The following CELF2 variants were observed in gnomAD, a reference collection of about 807,000 sequenced individuals.
CELF2 encodes CUGBP Elav-like family member 2, also known as CUG triplet repeat RNA-binding protein 2.
CELF2 carries 8 observed loss-of-function variants against 62.6 expected under a neutral mutation model. The ratio of observed to expected loss-of-function variants is 0.13; its 90% confidence interval spans 0.07 to 0.23. CELF2 has a LOEUF of 0.23. CELF2 is among the 10% of genes least tolerant of loss of function. The pLI is 1.00. For missense variants in CELF2, 333 were observed against 671.0 expected, an observed-to-expected ratio of 0.50 and a Z score of 5.56; for synonymous variants, 258 against 250.0, an observed-to-expected ratio of 1.03 and a Z score of -0.30.
At chr10:10,705,668 C>T in the CELF2 span, among the ~76,000 whole-genome samples, 3,532 of 152,220 alleles carry the variant, frequency 0.023, 60 homozygotes, top group South Asian at 0.065. Context: ...TCTTGGATGT[C>T]CCCTGTCACT....
At chr10:11,111,028 G>A (rs992738287) in intron 1 of CELF2, among the ~76,000 whole-genome samples, 1 of 152,198 alleles carries the variant, frequency 6.6e-6, no homozygotes, top group Non-Finnish European at 1.5e-5. Flanking sequence ...GTACCATTCG[G>A]TTAGGATGTA....
chr10:10,998,767 A>C (rs1211126884), intron 2 of CELF2, among the ~76,000 whole-genome samples: 6 of 152,134 alleles, frequency 3.9e-5, no homozygotes. Context: ...TGAAGCAAAA[A>C]TTACACTGGC....
the CELF2 span, among the ~76,000 whole-genome samples, chr10:10,622,966 C>T: frequency 1.3e-5 from 2 of 151,166 alleles, no homozygotes; most frequent in Non-Finnish European, 2.9e-5. Flanking sequence ...GCCTGTAGTC[C>T]CAGCAGCTAC....
At chr10:10,952,693 G>A (rs893083018) in intron 2 of CELF2, among the ~76,000 whole-genome samples, 3 of 151,798 alleles carry the variant, frequency 2.0e-5, no homozygotes, top group Admixed American at 2.0e-4. Context: ...AAAAAAAGAG[G>A]TGGGGGATTG....
At chr10:11,059,306 G>A (rs1023889997) in intron 1 of CELF2, among the ~76,000 whole-genome samples, 10 of 152,150 alleles carry the variant, frequency 6.6e-5, no homozygotes, top group African/African-American at 2.2e-4. Flanking sequence ...CTGTTTTAGG[G>A]TGGAAAACCT....
chr10:10,511,167 T>C, the CELF2 span, among the ~76,000 whole-genome samples: 1 of 152,174 alleles, frequency 6.6e-6, no homozygotes, highest in African/African-American at 2.4e-5. Context: ...CTCAGCACTT[T>C]GGGAGGCCAA....
At chr10:10,510,993 G>A in the CELF2 span, among the ~76,000 whole-genome samples, 5 of 152,248 alleles carry the variant, frequency 3.3e-5, no homozygotes, top group Non-Finnish European at 5.9e-5. Context: ...ACTCAGAGAG[G>A]TGGCATCAGC....
the CELF2 span, among the ~76,000 whole-genome samples, chr10:10,628,468 C>A: frequency 3.9e-5 from 6 of 152,006 alleles, no homozygotes; most frequent in Non-Finnish European, 8.8e-5. Flanking sequence ...AAGTGGGGAG[C>A]AGGATCTCCA....
the CELF2 span, among the ~76,000 whole-genome samples, chr10:10,716,660 G>C: frequency 6.6e-6 from 1 of 152,148 alleles, no homozygotes; most frequent in Non-Finnish European, 1.5e-5. Context: ...TCAGTTTATG[G>C]TCATGTTCTT....
the CELF2 span, among the ~76,000 whole-genome samples, chr10:10,499,069 C>CTTTT: frequency 7.2e-6 from 1 of 138,986 alleles, no homozygotes; most frequent in Non-Finnish European, 1.6e-5. Flanking sequence ...AAGCATTCTA[C>CTTTT]TTTTTTTTTT....
Position 11,220,933 on chromosome 10 carries a change from G to T in CELF2, c.354+3426G>T, listed in dbSNP as rs1293638084. On this transcript the variant is annotated intron_variant, in intron 3 of 12. Coordinates refer to ENST00000633077, the MANE Select transcript of CELF2 (RefSeq NM_001326342.2). The surrounding 1 kb of genome is among the most constrained non-coding windows in gnomAD (Gnocchi z 4.4). ...AAGTAGCAGGGATCGAGCCCAAGGG[G>T]GCCTCTAGCTAATCTAGCTGGAAGG... Among the ~76,000 whole-genome samples, 1 of 152,214 alleles carries T rather than the reference G, an allele frequency of 6.6e-6. No homozygotes were observed. The highest frequency in any genetic ancestry group is 1.5e-5 in the Non-Finnish European group (1 of 68,046).
chr10:11,164,637 A>G (rs1228401696), intron 1 of CELF2, among the ~76,000 whole-genome samples: 1 of 150,326 alleles, frequency 6.7e-6, no homozygotes, highest in Non-Finnish European at 1.5e-5. Context: ...AGTGTCTTTT[A>G]GTGGGAACTC....
chr10:11,205,462 A>G (rs967772241), intron 2 of CELF2, among the ~76,000 whole-genome samples: 1 of 152,230 alleles, frequency 6.6e-6, no homozygotes, highest in Admixed American at 6.5e-5. Context: ...TCTTATTTAC[A>G]TGCCAGGAAC....
At chr10:10,919,332 T>C (rs2064660037) in intron 1 of CELF2, among the ~76,000 whole-genome samples, 1 of 152,184 alleles carries the variant, frequency 6.6e-6, no homozygotes, top group African/African-American at 2.4e-5. Flanking sequence ...AAGTTAGTTT[T>C]GAAATTTGTC....
chr10:10,846,215 A>G (rs1048929962), intron 1 of CELF2: 16 of 519,690 alleles, frequency 3.1e-5, no homozygotes, highest in Non-Finnish European at 3.7e-5. Context: ...GTGATTAATT[A>G]TATACGATAT....
chr10:11,081,534 T>TTA (rs2074037238), intron 1 of CELF2, among the ~76,000 whole-genome samples: 1 of 152,162 alleles, frequency 6.6e-6, no homozygotes, highest in South Asian at 2.1e-4. Context: ...TGCTTTGCTG[T>TTA]TTTGGCACTG....
intron 2 of CELF2, among the ~76,000 whole-genome samples, chr10:11,197,043 A>G (rs1475664988): frequency 0.16 from 3,794 of 23,848 alleles, 1,099 homozygotes; most frequent in African/African-American, 0.33. Context: ...GAAAGAAAGA[A>G]AGAAAGAAAG....
At chr10:11,189,392 C>T (rs761355798) in intron 2 of CELF2, among the ~76,000 whole-genome samples, 20 of 152,008 alleles carry the variant, frequency 1.3e-4, no homozygotes, top group Non-Finnish European at 2.9e-4. Flanking sequence ...TTTTTGAATC[C>T]ACTCCGACAA....
upstream of CELF2, among the ~76,000 whole-genome samples, chr10:11,013,630 G>A (rs1267115926): frequency 6.6e-6 from 1 of 152,130 alleles, no homozygotes; most frequent in Non-Finnish European, 1.5e-5. This position sits in a 1 kb window ranked among gnomAD's most constrained non-coding sequence, Gnocchi z 4.1. Context: ...AAGCAATGGT[G>A]ACTACTTACT....
Sources: allele counts gnomAD v4.1 joint callset (sites outside exome capture counted in the v4.1 genomes callset), GRCh38; gene constraint gnomAD v4.1.1; non-coding constraint Gnocchi (gnomAD v3.1); transcripts MANE v1.5; gene names NCBI Gene and HGNC (gene_info 2026-07-23, HGNC 2026-07-21).